The following CYB561D1 variants were observed in gnomAD, a reference collection of about 807,000 sequenced individuals.
CYB561D1 encodes probable transmembrane reductase CYB561D1.
Under a neutral mutation model 19.2 loss-of-function variants are expected in CYB561D1, and 15 were observed. The ratio of observed to expected loss-of-function variants is 0.78; its 90% confidence interval spans 0.52 to 1.20. The LOEUF (loss-of-function observed/expected upper bound fraction) is 1.20, where lower values mean the gene tolerates loss of function less well. Ranked by LOEUF, CYB561D1 falls within the 50% of genes most tolerant of loss-of-function variation. The probability of loss-of-function intolerance (pLI) is 0.00; values close to 1 mark genes in which losing one functional copy is unlikely to be tolerated. For synonymous variants in CYB561D1, 133 were observed against 120.6 expected (o/e 1.10, Z -0.68); for missense variants, 297 against 287.3 (o/e 1.03, Z -0.24).
intron 1 of CYB561D1, chr1:109,494,661 A>AC (rs1228911831): frequency 6.6e-6 from 7 of 1,056,820 alleles, no homozygotes; most frequent in Non-Finnish European, 8.8e-6. Context: ...ACATGGTGAA[A>AC]CCCCGTCTCT....
In CYB561D1 at chr1:109,500,354, A is replaced by G. The variant is rs1198287557; in HGVS notation, c.*4095A>G. On this transcript the variant is annotated 3_prime_UTR_variant, in exon 3 of 3. Transcript: ENST00000420578. ...TTATTGCCTGACCTACCTCACAGGG[A>G]TGTTGTGAGGGTTTGATGAGAGAAT... The G allele has an allele frequency of 2.6e-5, 4 of 152,288 alleles. No homozygotes were observed. In the East Asian group the frequency reaches 5.8e-4, roughly 22 times the overall value. 9.4% of individuals were successfully genotyped at this position (152,288 alleles called of 1,614,324 possible). A position where few individuals can be genotyped will look rare whatever the true frequency, so the allele number is the denominator to read the frequency against.
chr1:109,496,086 G>T lies in CYB561D1; in HGVS notation c.517G>T (p.Val173Phe), dbSNP rs749774803. ...CTACCATCTGACATGTGGACTGGTG[G>T]TCTACCTGATGGCTACAGTAACGGT... is the stretch of plus-strand genomic sequence containing the variant. ...KLYHLTCGLV[V>F]YLMATVTVLL... The change falls in exon 3 of 3, where the codon GTC (valine) becomes TTC (phenylalanine). Residue 173 changes from valine to phenylalanine, a missense_variant. Transcript: ENST00000420578. The T allele has an allele frequency of 1.9e-6, 3 of 1,614,182 alleles. No individual in the cohort carries two copies. Among genetic ancestry groups the T allele is most frequent in the Non-Finnish European group, 1.7e-6 (2 of 1,180,008 alleles).
In CYB561D1 at chr1:109,496,318, G is replaced by A. The variant is rs182371117; in HGVS notation, c.*59G>A. 1.0e-3 allele frequency: 1,553 copies of A among 1,515,076 alleles called. 20 individuals carry two copies. The African/African-American group carries it at 0.019, about 18-fold the overall frequency. 93.9% of individuals were successfully genotyped at this position (1,515,076 alleles called of 1,614,324 possible). On this transcript the variant is annotated 3_prime_UTR_variant, in exon 3 of 3. Coordinates refer to ENST00000420578, the MANE Select transcript of CYB561D1 (RefSeq NM_182580.3). ...TGCCTTGAACATCATGGTTCCTTTG[G>A]TGATCTATAAGGGATCTATTTAAGA... is the stretch of plus-strand genomic sequence containing the variant.
In CYB561D1 at chr1:109,495,130, C is replaced by A. The variant is rs186692272; in HGVS notation, c.149-13C>A. ...TGGTACCAAGCCCTCAGCCTGTTCT[C>A]TTTGATTCTTAGGTCTTTTCTCCTG... On this transcript the variant is annotated splice_polypyrimidine_tract_variant and intron_variant, in intron 1 of 2. Transcript: ENST00000420578. 1.1e-3 allele frequency: 1,718 copies of A among 1,614,190 alleles called. 1 individual carries two copies. Among genetic ancestry groups the A allele is most frequent in the Non-Finnish European group, 1.2e-3 (1,379 of 1,180,012 alleles).
chr1:109,494,785 C>T (rs1657416291), intron 1 of CYB561D1, among the ~76,000 whole-genome samples: 1 of 151,222 alleles, frequency 6.6e-6, no homozygotes, highest in Non-Finnish European at 1.5e-5. Context: ...TGCAGTGAGC[C>T]GAGATTGCAC....
rs762726551 is a variant in CYB561D1 at position 109,495,169 on chromosome 1, A to G, written c.175A>G (p.Met59Val). 3 of 1,614,210 alleles carry G rather than the reference A, an allele frequency of 1.9e-6. No individual in the cohort carries two copies. The South Asian group carries it at 3.3e-5, about 18-fold the overall frequency. Residue 59 changes from methionine to valine, a missense_variant, in exon 2 of 3, where the codon ATG becomes GTG. Met to Val is a conservative substitution (Grantham distance 21). Coordinates refer to ENST00000420578, the MANE Select transcript of CYB561D1 (RefSeq NM_182580.3). Reference sequence around the variant, plus strand: ...TCTTTTCTCCTGGCACCCTGTATTCATGGCCTTGGCGGTGAGTTTAGGCTT... The same window carrying G: ...TCTTTTCTCCTGGCACCCTGTATTCGTGGCCTTGGCGGTGAGTTTAGGCTT... ...TSLFSWHPVF[M>V]ALAFCLCMAE...
chr1:109,494,105 G>T lies in CYB561D1; in HGVS notation c.-35G>T, dbSNP rs1236905774. 1.4e-6 allele frequency: 2 copies of T among 1,412,482 alleles called. No individual in the cohort carries two copies. Among genetic ancestry groups the T allele is most frequent in the Non-Finnish European group, 1.9e-6 (2 of 1,078,242 alleles). The allele number at this position is 1,412,482 out of a possible 1,614,324, so 87.5% of individuals were successfully genotyped here. A position where few individuals can be genotyped will look rare whatever the true frequency, so the allele number is the denominator to read the frequency against. On this transcript the variant is annotated 5_prime_UTR_variant, in exon 1 of 3. Coordinates refer to ENST00000420578, the MANE Select transcript of CYB561D1 (RefSeq NM_182580.3). ...ATCGCAAACCCGGAAGACGTGTTCG[G>T]GCAGCTGGAGTGTACGGGCCCGCGG... is the stretch of plus-strand genomic sequence containing the variant.
At chr1:109,494,355 C>T in intron 1 of CYB561D1, 68 bp downstream of exon 1, 1 of 1,518,092 alleles carries the variant, frequency 6.6e-7, no homozygotes. Context: ...CGCTTGGGAG[C>T]CCCGGGAGAC....
rs758405335 is a variant in CYB561D1, at chr1:109,495,805, C to A, written c.236C>A (p.Ser79Tyr). The change falls in exon 3 of 3, where the codon TCC (serine) becomes TAC (tyrosine). Residue 79 changes from serine (S) to tyrosine (Y), a missense_variant. Coordinates refer to ENST00000420578, the MANE Select transcript of CYB561D1 (RefSeq NM_182580.3). Reference protein sequence around the residue: ...EAILLFSPEHSLFFFCSRKAR... With the variant: ...EAILLFSPEHYLFFFCSRKAR... ...ATCCTACTCTTCTCACCTGAACACT[C>A]CCTGTTCTTCTTCTGCTCCCGAAAA... is the stretch of plus-strand genomic sequence containing the variant. The A allele has an allele frequency of 1.9e-6, 3 of 1,614,130 alleles. No individual in the cohort carries two copies. In the South Asian group the frequency reaches 3.3e-5, roughly 18 times the overall value.
chr1:109,494,255 T>C lies in CYB561D1; in HGVS notation c.116T>C (p.Ile39Thr). 6.3e-7 allele frequency: 1 copy of C among 1,587,628 alleles called. No individual in the cohort carries two copies. The highest frequency in any genetic ancestry group is 1.1e-5 in the South Asian group (1 of 87,134). The change falls in exon 1 of 3, where the codon ATC (isoleucine) becomes ACC (threonine). Residue 39 changes from isoleucine (I) to threonine (T), a missense_variant. By Grantham distance (89) the Ile-to-Thr change is moderately conservative. Transcript: ENST00000420578. ...CACCTGGTAGCTTTGGGCTTCACCA[T>C]CTTTCTGACAGCGCTGTCCCGGCCA... is the stretch of plus-strand genomic sequence containing the variant. ...LAHLVALGFT[I>T]FLTALSRPGT...
In CYB561D1 at chr1:109,495,818, C is replaced by G; in HGVS notation, c.249C>G (p.Phe83Leu). The G allele has an allele frequency of 6.2e-7, 1 of 1,614,090 alleles. No individual in the cohort carries two copies. The change falls in exon 3 of 3, where the codon TTC becomes TTG. Residue 83 changes from phenylalanine to leucine, a missense_variant. Phe to Leu is a conservative substitution (Grantham distance 22). Coordinates refer to ENST00000420578, the MANE Select transcript of CYB561D1 (RefSeq NM_182580.3). ...CACCTGAACACTCCCTGTTCTTCTTCTGCTCCCGAAAAGCACGGATCCGGC... is the reference window on the plus strand; with the variant it reads ...CACCTGAACACTCCCTGTTCTTCTTGTGCTCCCGAAAAGCACGGATCCGGC... ...LFSPEHSLFF[F>L]CSRKARIRLH...
Position 109,496,194 on chromosome 1 carries a change from C to G in CYB561D1, c.625C>G (p.Pro209Ala), listed in dbSNP as rs146281166. Residue 209 changes from proline (P) to alanine (A), a missense_variant, in exon 3 of 3, where the codon CCA becomes GCA. By Grantham distance (27) the Pro-to-Ala change is conservative. Coordinates refer to ENST00000420578, the MANE Select transcript of CYB561D1 (RefSeq NM_182580.3). ...WYLCLALPVY[P>A]ALVIMHQISR... is the part of the protein sequence containing the mutation. The stretch of plus-strand genomic sequence containing the variant: ...CCTGTGCCTGGCACTGCCCGTCTAT[C>G]CAGCCCTGGTGATCATGCACCAGAT... 25 of 1,599,186 alleles carry G rather than the reference C, an allele frequency of 1.6e-5. No individual in the cohort carries two copies. The African/African-American group carries it at 3.4e-4, about 21-fold the overall frequency.
In CYB561D1 at chr1:109,495,782, C is replaced by G. The variant is rs952725033; in HGVS notation, c.213C>G (p.Ile71Met). 2.5e-6 allele frequency: 4 copies of G among 1,614,104 alleles called. No individual in the cohort carries two copies. In the Admixed American group the frequency reaches 5.0e-5, roughly 20 times the overall value. The change falls in exon 3 of 3, where the codon ATC becomes ATG. Residue 71 changes from isoleucine (I) to methionine (M), a missense_variant. Coordinates refer to ENST00000420578, the MANE Select transcript of CYB561D1 (RefSeq NM_182580.3). Reference protein sequence around the residue: ...LAFCLCMAEAILLFSPEHSLF... With the variant: ...LAFCLCMAEAMLLFSPEHSLF... Reference sequence around the variant, plus strand: ...TCTGCCTCTGCATGGCTGAAGCCATCCTACTCTTCTCACCTGAACACTCCC... The same window carrying G: ...TCTGCCTCTGCATGGCTGAAGCCATGCTACTCTTCTCACCTGAACACTCCC...
At chr1:109,495,732 A>G (rs762486136) in intron 2 of CYB561D1, 24 bp from the exon 3 acceptor site, 1 of 1,614,210 alleles carries the variant, frequency 6.2e-7, no homozygotes, top group Non-Finnish European at 8.5e-7. Flanking sequence ...CATGAGGCTT[A>G]CTGGCTCTCT....
In CYB561D1 at chr1:109,496,289, C is replaced by T. The variant is rs771055657; in HGVS notation, c.*30C>T. 15 of 1,535,774 alleles carry T rather than the reference C, an allele frequency of 9.8e-6. No individual in the cohort carries two copies. Among genetic ancestry groups the T allele is most frequent in the African/African-American group, 2.7e-5 (2 of 72,762 alleles). On this transcript the variant is annotated 3_prime_UTR_variant, in exon 3 of 3. Coordinates refer to ENST00000420578, the MANE Select transcript of CYB561D1 (RefSeq NM_182580.3). ...CTGCGAACGCTGAATCTAGGTGGGA[C>T]GCTTGCCTTGAACATCATGGTTCCT... is the stretch of plus-strand genomic sequence containing the variant.
Position 109,496,290 on chromosome 1 carries a change from G to T in CYB561D1, c.*31G>T, listed in dbSNP as rs776650876. 9.1e-6 allele frequency: 14 copies of T among 1,535,172 alleles called. No homozygotes were observed. The highest frequency in any genetic ancestry group is 1.1e-5 in the Non-Finnish European group (12 of 1,136,438). On this transcript the variant is annotated 3_prime_UTR_variant, in exon 3 of 3. Coordinates refer to ENST00000420578, the MANE Select transcript of CYB561D1 (RefSeq NM_182580.3). ...TGCGAACGCTGAATCTAGGTGGGAC[G>T]CTTGCCTTGAACATCATGGTTCCTT...
intron 1 of CYB561D1, 31 bp downstream of exon 1, chr1:109,494,318 G>A: frequency 6.4e-7 from 1 of 1,555,108 alleles, no homozygotes; most frequent in Non-Finnish European, 8.7e-7. Context: ...TGCGGAAGGG[G>A]GCGGAGTGGA....
At position 109,496,399 on chromosome 1, in the gene CYB561D1, G is replaced by A. The variant is rs1049877819; in HGVS notation, c.*140G>A. The A allele has an allele frequency of 5.3e-6, 5 of 941,890 alleles. No individual in the cohort carries two copies. Among genetic ancestry groups the A allele is most frequent in the Admixed American group, 6.3e-5 (2 of 31,850 alleles). The allele number at this position is 941,890 out of a possible 1,614,324, so 58.3% of individuals were successfully genotyped here. On this transcript the variant is annotated 3_prime_UTR_variant, in exon 3 of 3. Coordinates refer to ENST00000420578, the MANE Select transcript of CYB561D1 (RefSeq NM_182580.3). ...TCCAGGGACTGCAGAAACCAAAGCTGCTATTGTTGAGGAATAATTCAGTGG... is the reference window on the plus strand; with the variant it reads ...TCCAGGGACTGCAGAAACCAAAGCTACTATTGTTGAGGAATAATTCAGTGG...
rs151279031 is a variant in CYB561D1 at position 109,499,766 on chromosome 1, G to A, written c.*3507G>A. On this transcript the variant is annotated 3_prime_UTR_variant, in exon 3 of 3. Transcript: ENST00000420578. ...TAATAATCATTAGCTGAATGGTGCT[G>A]GGGCCTTTCAGCTTCAGATCTCTAA... The A allele has an allele frequency of 1.1e-3, 173 of 152,356 alleles. No homozygotes were observed. The highest frequency in any genetic ancestry group is 4.0e-3 in the African/African-American group (168 of 41,568). The allele number at this position is 152,356 out of a possible 1,614,324, so 9.4% of individuals were successfully genotyped here. A position where few individuals can be genotyped will look rare whatever the true frequency, so the allele number is the denominator to read the frequency against.
Sources: gnomAD v4.1 joint callset for allele counts (sites outside exome capture counted in the v4.1 genomes callset) on GRCh38, gnomAD v4.1.1 for gene constraint, MANE v1.5 for transcripts, NCBI Gene and HGNC (gene_info 2026-07-23, HGNC 2026-07-21) for gene names.